Variants in FBXO25 observed in about 807,000 individuals in gnomAD.
FBXO25 encodes the protein F-box protein 25.
FBXO25 carries 45 observed loss-of-function variants against 51.9 expected under a neutral mutation model. That is an observed-to-expected ratio of 0.87 (90% CI 0.68 to 1.11). The LOEUF (loss-of-function observed/expected upper bound fraction) is 1.11. FBXO25 is among the 50% of genes most tolerant of loss of function. The pLI is 0.00. For missense variants in FBXO25, 507 were observed against 428.5 expected, an observed-to-expected ratio of 1.18 and a Z score of -1.62; for synonymous variants, 199 against 151.0, an observed-to-expected ratio of 1.32 and a Z score of -2.33.
chr8:427,338 C>G (rs1230536067), intron 2 of FBXO25, among the ~76,000 whole-genome samples: 2 of 150,706 alleles, frequency 1.3e-5, no homozygotes, highest in Non-Finnish European at 2.9e-5. Context: ...ATTTGTTCCA[C>G]TTTGTTTTGG....
At position 435,671 on chromosome 8, in the gene FBXO25, A is replaced by T. The variant is rs768397227; in HGVS notation, c.345A>T (p.Ala115=). ...TTAATCGGTTAGACTTCTCAAGTGC[A>T]ATTCAAGATATCCGAAGGTTCAATT... ...EAFNRLDFSS[A]IQDIRRFNYV... The change falls in exon 5 of 10, where the codon GCA becomes GCT. Residue 115 remains alanine (A), a synonymous_variant. Coordinates refer to ENST00000350302, the MANE Select transcript of FBXO25 (RefSeq NM_183420.2). The T allele has an allele frequency of 6.2e-7, 1 of 1,600,822 alleles. No homozygotes were observed. The highest frequency in any genetic ancestry group is 1.3e-5 in the African/African-American group (1 of 74,192).
intron 5 of FBXO25, among the ~76,000 whole-genome samples, chr8:444,232 A>T (rs573802279): frequency 4.9e-4 from 74 of 152,328 alleles, no homozygotes; most frequent in Non-Finnish European, 7.8e-4. Flanking sequence ...AGTGAAGAAT[A>T]CTTTCTGTAT....
intron 5 of FBXO25, among the ~76,000 whole-genome samples, chr8:444,166 T>C (rs956175492): frequency 7.9e-5 from 12 of 152,240 alleles, no homozygotes; most frequent in Non-Finnish European, 1.5e-4. Context: ...TACAGTTCAT[T>C]ATAAATCTGA....
intron 5 of FBXO25, among the ~76,000 whole-genome samples, chr8:437,844 C>G (rs1192544846): frequency 6.6e-6 from 1 of 151,746 alleles, no homozygotes; most frequent in Non-Finnish European, 1.5e-5. Context: ...CTTACTACAA[C>G]AACTGAGAGG....
At chr8:449,076 G>C (rs945858724) in intron 5 of FBXO25, among the ~76,000 whole-genome samples, 2 of 146,250 alleles carry the variant, frequency 1.4e-5, no homozygotes, top group East Asian at 2.0e-4. Context: ...TAACCTGAAG[G>C]CTGGTAAAAG....
intron 2 of FBXO25, among the ~76,000 whole-genome samples, chr8:426,808 C>CAACTGGCCTTGGTGCTCTTGTCGCCCT (rs1797514511): frequency 6.6e-6 from 1 of 151,886 alleles, no homozygotes; most frequent in South Asian, 2.1e-4. Flanking sequence ...GCTGTGGCTC[C>CAACTGGCCTTGGTGCTCTTGTCGCCCT]ACCTGGCCTT....
intron 1 of FBXO25, among the ~76,000 whole-genome samples, chr8:412,029 G>A (rs1312736665): frequency 6.6e-6 from 1 of 152,188 alleles, no homozygotes; most frequent in African/African-American, 2.4e-5. Context: ...GAAAACCACT[G>A]ATCAAGAGGA....
At chr8:462,266 A>G (rs545931338) in intron 8 of FBXO25, among the ~76,000 whole-genome samples, 13 of 152,296 alleles carry the variant, frequency 8.5e-5, no homozygotes, top group African/African-American at 3.1e-4. Flanking sequence ...GTTATCGTCC[A>G]TTTCTGAGAC....
Position 431,370 on chromosome 8 carries a change from T to C in FBXO25, c.164T>C (p.Phe55Ser). The change falls in exon 3 of 10, where the codon TTC (phenylalanine) becomes TCC (serine). Residue 55 changes from phenylalanine (F) to serine (S), a missense_variant. Coordinates refer to ENST00000350302, the MANE Select transcript of FBXO25 (RefSeq NM_183420.2). ...IILNSEDGEI[F>S]NNEEHEYASK... ...TTAAATAGTGAAGATGGAGAAATATTCAATAATGAAGAGCATGAATATGCA... is the reference window on the plus strand; with the variant it reads ...TTAAATAGTGAAGATGGAGAAATATCCAATAATGAAGAGCATGAATATGCA... The C allele has an allele frequency of 6.5e-7, 1 of 1,537,682 alleles. No homozygotes were observed. The highest frequency in any genetic ancestry group is 8.8e-7 in the Non-Finnish European group (1 of 1,138,944).
At chr8:467,237 G>GCT (rs1800227920) in intron 9 of FBXO25, among the ~76,000 whole-genome samples, 1 of 152,222 alleles carries the variant, frequency 6.6e-6, no homozygotes, top group Non-Finnish European at 1.5e-5. Context: ...ACAAGTGTCA[G>GCT]AGGTGGAGGC....
chr8:463,259 T>C, intron 9 of FBXO25, 109 bp downstream of exon 9: 1 of 1,200,392 alleles, frequency 8.3e-7, no homozygotes, highest in East Asian at 2.4e-5. Flanking sequence ...CTGTTTGTTA[T>C]AAGTAAGTTA....
rs184069175 is a variant in FBXO25 at position 477,232 on chromosome 8, A to T, written c.*8428A>T. The T allele has an allele frequency of 6.6e-6, 1 of 152,316 alleles. No homozygotes were observed. The allele number at this position is 152,316 out of a possible 1,614,324, so 9.4% of individuals were successfully genotyped here. On this transcript the variant is annotated 3_prime_UTR_variant, in exon 10 of 10. Coordinates refer to ENST00000350302, the MANE Select transcript of FBXO25 (RefSeq NM_183420.2). ...CTATCCTAGAGAAAGGTCCATTTGCACTTGAGAAAAACGTGTGTACTGCTG... is the reference window on the plus strand; with the variant it reads ...CTATCCTAGAGAAAGGTCCATTTGCTCTTGAGAAAAACGTGTGTACTGCTG...
At chr8:459,658 G>T (rs1293442296) in intron 8 of FBXO25, among the ~76,000 whole-genome samples, 2 of 152,350 alleles carry the variant, frequency 1.3e-5, no homozygotes, top group African/African-American at 4.8e-5. Flanking sequence ...GATGGGGGCT[G>T]CCACAGGAAG....
At chr8:450,104 T>G (rs752294810) in intron 6 of FBXO25, 21 bp downstream of exon 6, 4 of 1,534,526 alleles carry the variant, frequency 2.6e-6, no homozygotes, top group Non-Finnish European at 3.6e-6. Flanking sequence ...CACTGTATTT[T>G]TAATACTCTA....
chr8:417,199 T>C (rs187766011), intron 2 of FBXO25, among the ~76,000 whole-genome samples: 2 of 152,332 alleles, frequency 1.3e-5, no homozygotes, highest in African/African-American at 2.4e-5. Flanking sequence ...CCTGTTGTCA[T>C]AGTAAGGACT....
chr8:413,130 G>T lies in FBXO25; in HGVS notation c.51G>T (p.Lys17Asn). The change falls in exon 2 of 10, where the codon AAG (lysine) becomes AAT (asparagine). Residue 17 changes from lysine to asparagine, a missense_variant. Lys to Asn is a moderately conservative substitution (Grantham distance 94, BLOSUM62 0). Transcript: ENST00000350302. ...DWRSPGWSWI[K>N]TEDGWKRCES... ...GATCTCCTGGATGGAGTTGGATTAAGACAGAAGATGGCTGGAAGAGATGTG... is the reference window on the plus strand; with the variant it reads ...GATCTCCTGGATGGAGTTGGATTAATACAGAAGATGGCTGGAAGAGATGTG... 1 of 1,610,570 alleles carries T rather than the reference G, an allele frequency of 6.2e-7. No individual in the cohort carries two copies. The highest frequency in any genetic ancestry group is 8.5e-7 in the Non-Finnish European group (1 of 1,178,458).
At chr8:467,912 C>A in intron 9 of FBXO25, 2 of 1,486,180 alleles carry the variant, frequency 1.3e-6, no homozygotes, top group Admixed American at 4.8e-5. Context: ...TGATCAAACA[C>A]CTCAGCAAGG....
At chr8:447,037 G>A (rs532932993) in intron 5 of FBXO25, among the ~76,000 whole-genome samples, 3 of 152,186 alleles carry the variant, frequency 2.0e-5, no homozygotes, top group African/African-American at 7.2e-5. Context: ...ACTATAGGCG[G>A]AACTGAGCAG....
intron 9 of FBXO25, among the ~76,000 whole-genome samples, chr8:467,455 GAA>G (rs1053460887): frequency 6.6e-6 from 1 of 152,182 alleles, no homozygotes; most frequent in African/African-American, 2.4e-5. Context: ...TGCCAAATTT[GAA>G]AGACTTAAAG....
Sources: gnomAD v4.1 joint callset for allele counts (sites outside exome capture counted in the v4.1 genomes callset) on GRCh38, gnomAD v4.1.1 for gene constraint, MANE v1.5 for transcripts, NCBI Gene and HGNC (gene_info 2026-07-23, HGNC 2026-07-21) for gene names.